Variants in ZNF215 observed in about 807,000 individuals in gnomAD.
ZNF215 encodes the protein BWSCR2-associated zinc finger protein 2.
Under a neutral mutation model 27.2 loss-of-function variants are expected in ZNF215, and 24 were observed. The observed-to-expected ratio is 0.88, with a 90% CI of 0.64 to 1.24. The LOEUF (loss-of-function observed/expected upper bound fraction) is 1.24, where lower values mean the gene tolerates loss of function less well. Ranked by LOEUF, ZNF215 falls within the 50% of genes most tolerant of loss-of-function variation. The pLI is 0.00. For missense variants in ZNF215, 675 were observed against 605.7 expected (o/e 1.11, Z -1.20); for synonymous variants, 210 against 204.0 (o/e 1.03, Z -0.25).
At chr11:6,975,599 A>G (rs1303579148) in intron 5 of ZNF215, among the ~76,000 whole-genome samples, 1 of 151,998 alleles carries the variant, frequency 6.6e-6, no homozygotes, top group African/African-American at 2.4e-5. Context: ...TTTAGGTCCC[A>G]CAAATAAGTG....
downstream of ZNF215, among the ~76,000 whole-genome samples, chr11:6,958,553 CTGTT>C (rs10603302): frequency 0.23 from 35,456 of 151,896 alleles, 4,410 homozygotes; most frequent in African/African-American, 0.32. Context: ...TTTCACAAGC[CTGTT>C]TATTTAGTAC....
At chr11:6,935,134 T>C (rs1849388689) in intron 3 of ZNF215, among the ~76,000 whole-genome samples, 1 of 152,178 alleles carries the variant, frequency 6.6e-6, no homozygotes. Flanking sequence ...TCTGAGATAA[T>C]AAATAACAGT....
rs563515026 is a variant in ZNF215 at position 6,947,490 on chromosome 11, A to G, written c.712+3849A>G. ...CAGGAGTTGGAGGCCGCAGTGAGCT[A>G]TGATTGTATCACTGCATCCCATCCT... On this transcript the variant is annotated intron_variant, in intron 6 of 6. Coordinates refer to ENST00000278319, the MANE Select transcript of ZNF215 (RefSeq NM_013250.4). 2.3e-3 allele frequency among the ~76,000 whole-genome samples: 357 copies of G among 152,218 alleles called. 2 individuals are homozygous for G. The highest frequency in any genetic ancestry group is 4.3e-3 in the Non-Finnish European group (294 of 68,012).
At chr11:6,977,041 T>G (rs995937836) in intron 5 of ZNF215, among the ~76,000 whole-genome samples, 2 of 152,016 alleles carry the variant, frequency 1.3e-5, no homozygotes, top group African/African-American at 4.8e-5. Context: ...TCTTTGTGGT[T>G]GTATCGCCTT....
At position 6,932,604 on chromosome 11, in the gene ZNF215, A is replaced by G. The variant is rs981150966; in HGVS notation, c.332A>G (p.Gln111Arg). 5 of 1,614,074 alleles carry G rather than the reference A, an allele frequency of 3.1e-6. No individual in the cohort carries two copies. The Admixed American group carries it at 8.3e-5, about 27-fold the overall frequency. Residue 111 changes from glutamine (Q) to arginine (R), a missense_variant, in exon 3 of 7, where the codon CAA (glutamine) becomes CGA (arginine). Gln to Arg is a conservative substitution (Grantham distance 43). Transcript: ENST00000278319. ...PEEVRTWVNLQHPNNSKDMVT... is the reference protein window; with the variant it reads ...PEEVRTWVNLRHPNNSKDMVT... ...GAAGTCAGGACTTGGGTGAATTTAC[A>G]ACATCCAAACAACAGTAAAGATATG...
chr11:6,973,606 G>T (rs1850767847), intron 5 of ZNF215, among the ~76,000 whole-genome samples: 1 of 152,156 alleles, frequency 6.6e-6, no homozygotes, highest in Admixed American at 6.5e-5. Context: ...GTGTGAGATG[G>T]TATCTCATTG....
intron 5 of ZNF215, among the ~76,000 whole-genome samples, chr11:6,976,270 A>G (rs913647990): frequency 1.1e-4 from 17 of 152,112 alleles, no homozygotes; most frequent in African/African-American, 3.6e-4. Context: ...AAATCTCAGT[A>G]AAAGTGGCCT....
intron 5 of ZNF215, among the ~76,000 whole-genome samples, chr11:6,971,650 T>A (rs183504560): frequency 6.6e-6 from 1 of 152,260 alleles, no homozygotes; most frequent in African/African-American, 2.4e-5. Context: ...GTGAGAATTA[T>A]TAGATTTTTC....
intron 2 of ZNF215, among the ~76,000 whole-genome samples, chr11:6,929,619 G>T (rs1370153575): frequency 6.6e-6 from 1 of 152,146 alleles, no homozygotes; most frequent in African/African-American, 2.4e-5. Flanking sequence ...CTGGGGTTAT[G>T]GGTTTAGAGC....
At chr11:6,955,552 T>A (rs1850299661) in intron 6 of ZNF215, 138 bp from the exon 7 acceptor site, 4 of 880,102 alleles carry the variant, frequency 4.5e-6, no homozygotes, top group Non-Finnish European at 6.2e-6. Context: ...TTTATAAGTA[T>A]TTTTTTCTAA....
intron 5 of ZNF215, among the ~76,000 whole-genome samples, chr11:6,982,908 A>G (rs899447069): frequency 6.6e-6 from 1 of 151,618 alleles, no homozygotes; most frequent in Non-Finnish European, 1.5e-5. Context: ...AACTAAAATC[A>G]GAGCAGAACT....
Position 6,956,526 on chromosome 11 carries a change from TCCTG to T in ZNF215, c.1550_1553del (p.Ser517Ter), listed in dbSNP as rs1194748168. The T allele has an allele frequency of 6.4e-7, 1 of 1,561,568 alleles. No individual in the cohort carries two copies. Among genetic ancestry groups the T allele is most frequent in the Non-Finnish European group, 8.6e-7 (1 of 1,159,574 alleles). ...TCAAAAACTGCATACTCGAGATAAG[TCCTG>T]AAAAAAGAAAAAATGAAAGATTACC... On this transcript the variant is annotated frameshift_variant and stop_lost, in exon 7 of 7. Coordinates refer to ENST00000278319, the MANE Select transcript of ZNF215 (RefSeq NM_013250.4). LOFTEE classifies it high-confidence loss of function.
At chr11:6,941,776 T>C in intron 4 of ZNF215, 123 bp downstream of exon 4, 1 of 980,406 alleles carries the variant, frequency 1.0e-6, no homozygotes, top group Non-Finnish European at 1.5e-6. Context: ...AGACTTTTAT[T>C]TTCCCACAGG....
intron 6 of ZNF215, among the ~76,000 whole-genome samples, chr11:6,953,232 G>C (rs1850156526): frequency 1.3e-5 from 2 of 152,164 alleles, no homozygotes; most frequent in Non-Finnish European, 2.9e-5. Context: ...CTCTTCTCAA[G>C]GAGTATGTTT....
At chr11:6,954,250 C>T (rs1850221363) in intron 6 of ZNF215, among the ~76,000 whole-genome samples, 1 of 152,204 alleles carries the variant, frequency 6.6e-6, no homozygotes, top group Admixed American at 6.5e-5. Flanking sequence ...CTGGGAGAAC[C>T]ACCGCTCTCT....
intron 6 of ZNF215, among the ~76,000 whole-genome samples, chr11:6,953,390 G>A (rs920845367): frequency 3.9e-5 from 6 of 152,160 alleles, no homozygotes; most frequent in Non-Finnish European, 5.9e-5. Context: ...CGTAGATTTG[G>A]TCTCTTCACA....
downstream of ZNF215, among the ~76,000 whole-genome samples, chr11:6,961,609 T>A (rs2133318448): frequency 6.6e-6 from 1 of 152,272 alleles, no homozygotes; most frequent in East Asian, 1.9e-4. Context: ...GAGTAGGGTT[T>A]GATTGTCAGC....
Position 6,956,584 on chromosome 11 carries a change from A to C in ZNF215, c.*53A>C. 1 of 1,493,784 alleles carries C rather than the reference A, an allele frequency of 6.7e-7. No homozygotes were observed. Among genetic ancestry groups the C allele is most frequent in the South Asian group, 1.4e-5 (1 of 69,342 alleles). The allele number at this position is 1,493,784 out of a possible 1,614,324, so 92.5% of individuals were successfully genotyped here. A position where few individuals can be genotyped will look rare whatever the true frequency, so the allele number is the denominator to read the frequency against. ...AGTCAGAATGCAGAACTCATTTAAC[A>C]TCATGAATTTATGCTGGATAAAATC... On this transcript the variant is annotated 3_prime_UTR_variant, in exon 7 of 7. Coordinates refer to ENST00000278319, the MANE Select transcript of ZNF215 (RefSeq NM_013250.4).
rs757318809 is a variant in ZNF215, at chr11:6,956,722, G to A, written c.*191G>A. The A allele has an allele frequency of 5.9e-5, 81 of 1,373,852 alleles. No homozygotes were observed. Among genetic ancestry groups the A allele is most frequent in the Non-Finnish European group, 6.6e-5 (71 of 1,071,032 alleles). 85.1% of individuals were successfully genotyped at this position (1,373,852 alleles called of 1,614,324 possible). ...GAAATCTGTTTGAAGGAATTTTCCT[G>A]GTTTTCAGATGAAGCCATAAGGCTT... On this transcript the variant is annotated 3_prime_UTR_variant, in exon 7 of 7. Transcript: ENST00000278319.
Sources: allele counts gnomAD v4.1 joint callset (sites outside exome capture counted in the v4.1 genomes callset), GRCh38; gene constraint gnomAD v4.1.1; transcripts MANE v1.5; gene names NCBI Gene and HGNC (gene_info 2026-07-23, HGNC 2026-07-21).